Variants in CDH8 observed in about 807,000 individuals in gnomAD.
The protein encoded by CDH8 is cadherin-8.
In CDH8, 17 loss-of-function variants were observed where a neutral mutation model predicts 68.1. That is an observed-to-expected ratio of 0.25 (90% CI 0.17 to 0.37). The LOEUF is 0.37. Ranked by LOEUF, CDH8 falls within the 10% of genes least tolerant of loss-of-function variation. The pLI is 1.00. For missense variants in CDH8, 763 were observed against 999.3 expected, an observed-to-expected ratio of 0.76 and a Z score of 3.19; for synonymous variants, 372 against 365.1, an observed-to-expected ratio of 1.02 and a Z score of -0.21.
intron 3 of CDH8, among the ~76,000 whole-genome samples, chr16:61,890,166 G>A (rs949379123): frequency 2.0e-5 from 3 of 152,174 alleles, no homozygotes; most frequent in Non-Finnish European, 4.4e-5. Context: ...CAAGAGCCAA[G>A]ATGTGAGTGA....
chr16:61,873,837 C>A (rs9673480), intron 3 of CDH8, among the ~76,000 whole-genome samples: 3,784 of 152,222 alleles, frequency 0.025, 157 homozygotes, highest in African/African-American at 0.086. Flanking sequence ...AGGTGGATCA[C>A]CTGTGGTCAG....
intron 3 of CDH8, among the ~76,000 whole-genome samples, chr16:61,858,221 T>C (rs1963085280): frequency 6.6e-6 from 1 of 152,118 alleles, no homozygotes; most frequent in Non-Finnish European, 1.5e-5. Flanking sequence ...ATCTCTCACT[T>C]AGTCCAGCAC....
At chr16:61,710,241 GC>G (rs1264642046) in intron 10 of CDH8, among the ~76,000 whole-genome samples, 1 of 152,002 alleles carries the variant, frequency 6.6e-6, no homozygotes, top group Non-Finnish European at 1.5e-5. Flanking sequence ...AAAATGATTT[GC>G]TTAAAGTAAG....
At chr16:61,857,293 G>C in intron 3 of CDH8, 55 bp from the exon 4 acceptor site, 1 of 1,484,764 alleles carries the variant, frequency 6.7e-7, no homozygotes, top group Non-Finnish European at 9.3e-7. Context: ...CCTTTGCCAA[G>C]AGCTACATTT....
chr16:61,783,107 G>C (rs1348494625), intron 8 of CDH8, among the ~76,000 whole-genome samples: 1 of 147,458 alleles, frequency 6.8e-6, no homozygotes, highest in African/African-American at 2.5e-5. Flanking sequence ...GACGAGCTGA[G>C]AGAAGAAGGC....
intron 2 of CDH8, among the ~76,000 whole-genome samples, chr16:61,913,735 A>G (rs1567525687): frequency 1.3e-5 from 2 of 152,146 alleles, no homozygotes; most frequent in Non-Finnish European, 2.9e-5. Context: ...ACGCCCTCTC[A>G]CTATTTCACA....
chr16:61,986,652 G>A (rs190735052), intron 2 of CDH8, among the ~76,000 whole-genome samples: 1 of 152,306 alleles, frequency 6.6e-6, no homozygotes, highest in African/African-American at 2.4e-5. Context: ...AGCATCTGGA[G>A]GTGATTATGT....
At chr16:61,671,118 A>G (rs1963784139) in intron 10 of CDH8, among the ~76,000 whole-genome samples, 1 of 152,060 alleles carries the variant, frequency 6.6e-6, no homozygotes, top group Non-Finnish European at 1.5e-5. Flanking sequence ...TGAAAAAAAA[A>G]TCCTGCAGTA....
chr16:61,711,570 C>G (rs1053254669), intron 10 of CDH8: 9 of 151,572 alleles, frequency 5.9e-5, no homozygotes, highest in African/African-American at 1.7e-4. Flanking sequence ...TTAAGACAAG[C>G]CCATTTTTTT....
At chr16:62,030,210 T>C (rs1902291729) in intron 1 of CDH8, among the ~76,000 whole-genome samples, 1 of 152,186 alleles carries the variant, frequency 6.6e-6, no homozygotes, top group Non-Finnish European at 1.5e-5. Flanking sequence ...AAAAATACTA[T>C]TGAGTTATGA....
At chr16:61,656,366 C>G (rs16963781) in intron 10 of CDH8, among the ~76,000 whole-genome samples, 22,386 of 152,146 alleles carry the variant, frequency 0.15, 1,705 homozygotes, top group African/African-American at 0.15. Context: ...GCTTTATTTT[C>G]TTTATTTAGC....
intron 8 of CDH8, among the ~76,000 whole-genome samples, chr16:61,782,797 C>A (rs1376815442): frequency 1.6e-4 from 24 of 152,102 alleles, no homozygotes; most frequent in Non-Finnish European, 2.9e-4. Context: ...CCCTGAGCAG[C>A]CTAACTGGGA....
At chr16:61,985,918 CTTTTT>C (rs71134380) in intron 2 of CDH8, among the ~76,000 whole-genome samples, 1 of 91,110 alleles carries the variant, frequency 1.1e-5, no homozygotes. Context: ...CCTTTCTTTA[CTTTTT>C]TTTTTTTTTT....
chr16:61,856,225 T>G (rs1345435839), intron 4 of CDH8, among the ~76,000 whole-genome samples: 2 of 152,078 alleles, frequency 1.3e-5, no homozygotes, highest in East Asian at 3.9e-4. Context: ...ACATTGAATT[T>G]TTCTATTTGG....
intron 2 of CDH8, among the ~76,000 whole-genome samples, chr16:61,905,451 T>G (rs1266287306): frequency 2.6e-5 from 4 of 151,876 alleles, no homozygotes; most frequent in African/African-American, 9.7e-5. Context: ...TTAATATATT[T>G]AATTATGGTT....
chr16:61,986,190 C>G (rs1163658295), intron 2 of CDH8, among the ~76,000 whole-genome samples: 1 of 152,136 alleles, frequency 6.6e-6, no homozygotes, highest in Non-Finnish European at 1.5e-5. Context: ...TCCCAAAGTG[C>G]TGGGATTACA....
At chr16:61,743,041 CA>C (rs1397733331) in intron 8 of CDH8, 1 of 152,144 alleles carries the variant, frequency 6.6e-6, no homozygotes, top group Admixed American at 6.5e-5. Flanking sequence ...AAGTTTTTGA[CA>C]TAAATATGTT....
intron 2 of CDH8, among the ~76,000 whole-genome samples, chr16:61,939,269 A>C (rs1040264285): frequency 2.0e-5 from 3 of 152,226 alleles, no homozygotes; most frequent in African/African-American, 7.2e-5. Flanking sequence ...CAATTCAGAA[A>C]ATATTTACAA....
At chr16:61,744,540 T>C (rs1390066588) in intron 8 of CDH8, among the ~76,000 whole-genome samples, 2 of 151,978 alleles carry the variant, frequency 1.3e-5, no homozygotes, top group African/African-American at 4.8e-5. Context: ...TGAAAATGTT[T>C]ATCTAATATT....
Sources: gnomAD v4.1 joint callset for allele counts (sites outside exome capture counted in the v4.1 genomes callset) on GRCh38, gnomAD v4.1.1 for gene constraint, MANE v1.5 for transcripts, NCBI Gene and HGNC (gene_info 2026-07-23, HGNC 2026-07-21) for gene names.